Variants in GPHN observed in about 807,000 individuals in gnomAD.
GPHN encodes gephyrin.
In GPHN, 17 loss-of-function variants were observed where a neutral mutation model predicts 95.5. The observed-to-expected ratio is 0.18, with a 90% CI of 0.12 to 0.27. The LOEUF is 0.27. Among genes scored for constraint, GPHN ranks in the 10% least tolerant of loss-of-function variants. The probability of loss-of-function intolerance (pLI) is 1.00; values close to 1 mark genes in which losing one functional copy is unlikely to be tolerated. For missense variants in GPHN, 660 were observed against 978.1 expected (o/e 0.67, Z 4.34); for synonymous variants, 320 against 322.5 (o/e 0.99, Z 0.08).
the GPHN span, chr14:67,584,100 T>C: frequency 6.2e-7 from 1 of 1,613,884 alleles, no homozygotes; most frequent in African/African-American, 1.3e-5. Flanking sequence ...GGCCTTTCTT[T>C]GGTGCTAAAC....
chr14:67,612,557 GT>G, the GPHN span, among the ~76,000 whole-genome samples: 37 of 152,258 alleles, frequency 2.4e-4, no homozygotes, highest in South Asian at 7.1e-3. Flanking sequence ...GTCATCTGGT[GT>G]TCTTTTAAGC....
chr14:66,698,967 A>C (rs1271960264), intron 2 of GPHN, among the ~76,000 whole-genome samples: 1 of 152,232 alleles, frequency 6.6e-6, no homozygotes, highest in Non-Finnish European at 1.5e-5. Flanking sequence ...GTCTTTACAG[A>C]AAAAGTTTAT....
chr14:66,915,239 T>A (rs1478859681), intron 5 of GPHN, among the ~76,000 whole-genome samples: 2 of 152,108 alleles, frequency 1.3e-5, no homozygotes, highest in African/African-American at 4.8e-5. Flanking sequence ...TACTGTAAAA[T>A]TTTAAAAATA....
chr14:67,629,899 A>T, the GPHN span, among the ~76,000 whole-genome samples: 2 of 152,240 alleles, frequency 1.3e-5, no homozygotes, highest in Admixed American at 1.3e-4. Flanking sequence ...ATTCTTACAG[A>T]AAGTCCACTT....
At chr14:67,582,053 A>T in the GPHN span, 1 of 1,603,072 alleles carries the variant, frequency 6.2e-7, no homozygotes, top group African/African-American at 1.3e-5. This position sits in a 1 kb window ranked among gnomAD's most constrained non-coding sequence, Gnocchi z 5.0. Flanking sequence ...CTGGTTTCTT[A>T]TTCTCTTCTT....
chr14:67,086,619 T>C (rs2076898852), intron 11 of GPHN, among the ~76,000 whole-genome samples: 1 of 143,414 alleles, frequency 7.0e-6, no homozygotes, highest in Non-Finnish European at 1.5e-5. Context: ...GCCACTGCAC[T>C]CCAGCCTGGG....
At chr14:67,626,268 A>C in the GPHN span, among the ~76,000 whole-genome samples, 72 of 152,108 alleles carry the variant, frequency 4.7e-4, 1 homozygote, top group South Asian at 2.5e-3. Context: ...GAAAAAAAAA[A>C]CCACAAAACT....
chr14:66,725,872 G>GA (rs2071188405), intron 2 of GPHN, among the ~76,000 whole-genome samples: 1 of 152,256 alleles, frequency 6.6e-6, no homozygotes, highest in East Asian at 1.9e-4. Context: ...GCCTGGTATT[G>GA]AAAAAATCAG....
At chr14:67,432,070 T>C in the GPHN span, among the ~76,000 whole-genome samples, 5 of 152,296 alleles carry the variant, frequency 3.3e-5, no homozygotes, top group East Asian at 5.8e-4. Context: ...GAAGTGTGTC[T>C]CTCCTGCCCC....
chr14:67,551,671 A>T, the GPHN span, among the ~76,000 whole-genome samples: 53 of 152,178 alleles, frequency 3.5e-4, no homozygotes, highest in African/African-American at 1.3e-3. Context: ...GGCGAATCAC[A>T]TGAGGCCAGG....
chr14:67,726,033 T>C, the GPHN span: 25 of 1,571,318 alleles, frequency 1.6e-5, no homozygotes, highest in Non-Finnish European at 2.2e-5. Flanking sequence ...ATAGGATCTC[T>C]TTGGTTGTGC....
intron 1 of GPHN, among the ~76,000 whole-genome samples, chr14:66,557,237 GTAGATAGATAGATAGATAGA>G (rs201752462): frequency 1.4e-5 from 2 of 141,892 alleles, no homozygotes; most frequent in South Asian, 2.3e-4. Flanking sequence ...ACATAGGTAG[GTAGATAGATAGATAGATAGA>G]TAGATAGATA....
At chr14:66,686,255 TTAAAG>T (rs1360696267) in intron 2 of GPHN, among the ~76,000 whole-genome samples, 1 of 152,220 alleles carries the variant, frequency 6.6e-6, no homozygotes, top group Admixed American at 6.5e-5. Flanking sequence ...CATATGAACT[TTAAAG>T]TAGTTATTTC....
At chr14:66,725,459 G>A (rs547907006) in intron 2 of GPHN, among the ~76,000 whole-genome samples, 2 of 152,238 alleles carry the variant, frequency 1.3e-5, no homozygotes, top group South Asian at 2.1e-4. Flanking sequence ...AGTGAGGACA[G>A]GACAGATAGT....
intron 10 of GPHN, among the ~76,000 whole-genome samples, chr14:67,040,236 C>T (rs374467960): frequency 2.0e-4 from 31 of 152,224 alleles, no homozygotes; most frequent in African/African-American, 7.2e-4. Context: ...GTATATCTTT[C>T]ATCCAGACTC....
intron 5 of GPHN, among the ~76,000 whole-genome samples, chr14:66,880,491 T>C (rs1009962873): frequency 2.0e-5 from 3 of 152,042 alleles, no homozygotes; most frequent in African/African-American, 4.8e-5. Flanking sequence ...TTTCTGTGAC[T>C]GTTTATAATC....
chr14:67,319,747 A>T, the GPHN span, among the ~76,000 whole-genome samples: 1 of 152,242 alleles, frequency 6.6e-6, no homozygotes, highest in African/African-American at 2.4e-5. Context: ...CTTGAACTAT[A>T]GGAAAGTATT....
intron 2 of GPHN, among the ~76,000 whole-genome samples, chr14:66,756,849 T>G (rs972317911): frequency 6.6e-6 from 1 of 152,212 alleles, no homozygotes; most frequent in African/African-American, 2.4e-5. Flanking sequence ...ATGATGTTTA[T>G]TTAAGTCTGA....
At chr14:67,293,704 G>C in the GPHN span, among the ~76,000 whole-genome samples, 1 of 152,130 alleles carries the variant, frequency 6.6e-6, no homozygotes, top group Non-Finnish European at 1.5e-5. Context: ...AGGAAAAGAC[G>C]AGTACCAATA....
Sources: allele counts gnomAD v4.1 joint callset (sites outside exome capture counted in the v4.1 genomes callset), GRCh38; gene constraint gnomAD v4.1.1; non-coding constraint Gnocchi (gnomAD v3.1); transcripts MANE v1.5; gene names NCBI Gene and HGNC (gene_info 2026-07-23, HGNC 2026-07-21).